AUTS2: variants seen among roughly 807,000 people sequenced by gnomAD.
AUTS2 encodes autism susceptibility gene 2 protein.
A neutral mutation model predicts 112.4 loss-of-function variants in AUTS2; 17 were observed. That is an observed-to-expected ratio of 0.15 (90% CI 0.10 to 0.23). The LOEUF is 0.23. Among genes scored for constraint, AUTS2 ranks in the 10% least tolerant of loss-of-function variants. AUTS2 has a pLI of 1.00. For synonymous variants in AUTS2, 751 were observed against 702.7 expected (o/e 1.07, Z -1.09); for missense variants, 1,510 against 1,701.6 (o/e 0.89, Z 1.98).
At chr7:70,608,205 G>C (rs949369031) in intron 5 of AUTS2, among the ~76,000 whole-genome samples, 2 of 152,162 alleles carry the variant, frequency 1.3e-5, no homozygotes, top group African/African-American at 4.8e-5. Flanking sequence ...CCAGGCTCAA[G>C]AGATCCTCCT....
At chr7:70,705,694 G>A (rs1809699711) in intron 6 of AUTS2, among the ~76,000 whole-genome samples, 1 of 152,100 alleles carries the variant, frequency 6.6e-6, no homozygotes, top group African/African-American at 2.4e-5. Flanking sequence ...GGACTTACTG[G>A]GAGAGTGCAC....
Position 70,744,888 on chromosome 7 carries a change from G to A in AUTS2, c.743-17982G>A, listed in dbSNP as rs973344922. Among the ~76,000 whole-genome samples the A allele has an allele frequency of 1.2e-4, 19 of 152,204 alleles. 1 individual carries two copies. The highest frequency in any genetic ancestry group is 7.8e-4 in the East Asian group (4 of 5,160). On this transcript the variant is annotated intron_variant, in intron 6 of 18. Coordinates refer to ENST00000342771, the MANE Select transcript of AUTS2 (RefSeq NM_015570.4). ...ATGAGCAGGCAAAGGAGCAGGGGAC[G>A]GTTTCTTCCAGATCACCCTTCCAGG...
At chr7:70,081,961 TGTGTGC>T (rs1414623680) in intron 2 of AUTS2, among the ~76,000 whole-genome samples, 1 of 146,878 alleles carries the variant, frequency 6.8e-6, no homozygotes, top group African/African-American at 2.5e-5. Context: ...TGTGTGTGTG[TGTGTGC>T]GCGCGCCTGT....
At chr7:70,123,596 C>G (rs910354742) in intron 3 of AUTS2, among the ~76,000 whole-genome samples, 3 of 152,136 alleles carry the variant, frequency 2.0e-5, no homozygotes, top group African/African-American at 7.2e-5. Flanking sequence ...TAAAAACATG[C>G]AGTATTTGGT....
At chr7:69,615,736 T>C (rs1793338044) in intron 1 of AUTS2, among the ~76,000 whole-genome samples, 1 of 152,212 alleles carries the variant, frequency 6.6e-6, no homozygotes, top group South Asian at 2.1e-4. Flanking sequence ...GGAAATTACA[T>C]TGTTGAAATA....
Position 70,507,048 on chromosome 7 carries a change from C to A in AUTS2, c.690+71267C>A, listed in dbSNP as rs566218812. 4.3e-4 allele frequency among the ~76,000 whole-genome samples: 65 copies of A among 152,288 alleles called. No individual in the cohort carries two copies. In the South Asian group the frequency reaches 0.013, roughly 30 times the overall value. ...TGAGTGAGCACCAACCCAAATTAGG[C>A]CTGGTCTTCACCACCCTCTTTTGGA... On this transcript the variant is annotated intron_variant, in intron 5 of 18. Transcript: ENST00000342771.
At chr7:69,784,491 T>C (rs1211252486) in intron 1 of AUTS2, among the ~76,000 whole-genome samples, 2 of 152,246 alleles carry the variant, frequency 1.3e-5, no homozygotes, top group African/African-American at 4.8e-5. Context: ...GAGGGGCTTC[T>C]GACCTTGGCT....
intron 1 of AUTS2, among the ~76,000 whole-genome samples, chr7:69,886,308 A>T (rs1794269128): frequency 6.6e-6 from 1 of 152,240 alleles, no homozygotes; most frequent in Non-Finnish European, 1.5e-5. Context: ...TAGGAAGTTG[A>T]CAACAGTTTC....
intron 4 of AUTS2, among the ~76,000 whole-genome samples, chr7:70,366,596 A>C (rs1270298094): frequency 1.3e-5 from 2 of 152,234 alleles, no homozygotes; most frequent in African/African-American, 2.4e-5. Flanking sequence ...TCAGATTTGG[A>C]TATCAGTGAG....
chr7:70,712,441 A>G (rs1810112074), intron 6 of AUTS2, among the ~76,000 whole-genome samples: 2 of 151,694 alleles, frequency 1.3e-5, no homozygotes. Flanking sequence ...CTGATAAGGA[A>G]CTCACCATGA....
intron 2 of AUTS2, among the ~76,000 whole-genome samples, chr7:69,933,677 G>A (rs1042773918): frequency 1.3e-5 from 2 of 151,538 alleles, no homozygotes; most frequent in African/African-American, 4.8e-5. Flanking sequence ...TTTGTTTTTT[G>A]TTTTTTGGTA....
At chr7:69,674,338 C>T (rs1418065509) in intron 1 of AUTS2, among the ~76,000 whole-genome samples, 1 of 152,182 alleles carries the variant, frequency 6.6e-6, no homozygotes, top group Admixed American at 6.5e-5. Context: ...ACTGGAGTGG[C>T]ATAGTGGTTA....
At chr7:70,225,804 A>G (rs903463004) in intron 4 of AUTS2, among the ~76,000 whole-genome samples, 3 of 152,210 alleles carry the variant, frequency 2.0e-5, no homozygotes, top group African/African-American at 4.8e-5. Flanking sequence ...GTTAGTACCA[A>G]TGTAACATGG....
At chr7:70,711,335 GTATCT>G (rs1810040189) in intron 6 of AUTS2, among the ~76,000 whole-genome samples, 1 of 152,112 alleles carries the variant, frequency 6.6e-6, no homozygotes, top group African/African-American at 2.4e-5. Flanking sequence ...ATCCTGCCAG[GTATCT>G]TATCTTATTC....
chr7:69,838,410 G>A (rs762155316), intron 1 of AUTS2, among the ~76,000 whole-genome samples: 1 of 152,122 alleles, frequency 6.6e-6, no homozygotes, highest in East Asian at 1.9e-4. Flanking sequence ...GACTCTGTCA[G>A]GTAGACAGTA....
At chr7:70,331,922 C>G (rs1790770035) in intron 4 of AUTS2, among the ~76,000 whole-genome samples, 1 of 152,182 alleles carries the variant, frequency 6.6e-6, no homozygotes, top group African/African-American at 2.4e-5. Flanking sequence ...GATGCCCTCT[C>G]TCACCACTCC....
intron 5 of AUTS2, among the ~76,000 whole-genome samples, chr7:70,663,893 A>G (rs933356770): frequency 1.2e-4 from 18 of 152,218 alleles, no homozygotes; most frequent in African/African-American, 3.9e-4. Context: ...ACATCTCAGA[A>G]TGAGTGTATT....
chr7:70,365,015 T>A (rs1792501878), intron 4 of AUTS2, among the ~76,000 whole-genome samples: 1 of 152,206 alleles, frequency 6.6e-6, no homozygotes, highest in African/African-American at 2.4e-5. Context: ...AGTTTAGACA[T>A]CATATGTAAA....
intron 4 of AUTS2, among the ~76,000 whole-genome samples, chr7:70,394,774 C>G (rs1325296433): frequency 2.0e-5 from 3 of 151,390 alleles, no homozygotes; most frequent in African/African-American, 7.3e-5. Context: ...ATAGTGTTCC[C>G]CTAATCATAA....
Sources: gnomAD v4.1 joint callset for allele counts (sites outside exome capture counted in the v4.1 genomes callset) on GRCh38, gnomAD v4.1.1 for gene constraint, MANE v1.5 for transcripts, NCBI Gene and HGNC (gene_info 2026-07-23, HGNC 2026-07-21) for gene names.